The following CRB2 variants were observed in gnomAD, a reference collection of about 807,000 sequenced individuals.
The protein encoded by CRB2 is protein crumbs homolog 2.
CRB2 carries 85 observed loss-of-function variants against 110.9 expected under a neutral mutation model. That is an observed-to-expected ratio of 0.77 (90% CI 0.64 to 0.92). The LOEUF (loss-of-function observed/expected upper bound fraction) is 0.92. Ranked by LOEUF, CRB2 falls within the 40% of genes least tolerant of loss-of-function variation. The pLI is 0.00. For synonymous variants in CRB2, 907 were observed against 831.0 expected, an observed-to-expected ratio of 1.09 and a Z score of -1.57; for missense variants, 1,843 against 1,851.3, an observed-to-expected ratio of 1.00 and a Z score of 0.08.
Position 123,373,305 on chromosome 9 carries a change from G to A in CRB2, c.2774G>A (p.Arg925His), listed in dbSNP as rs1378049798. Residue 925 changes from arginine (R) to histidine (H), a missense_variant, in exon 10 of 13, where the codon CGC becomes CAC. By Grantham distance (29) the Arg-to-His change is conservative. Coordinates refer to ENST00000373631, the MANE Select transcript of CRB2 (RefSeq NM_173689.7). Reference protein sequence around the residue: ...GALEGVWLAVRNGSLAGGVRG... With the variant: ...GALEGVWLAVHNGSLAGGVRG... Reference sequence around the variant, plus strand: ...CTGGAAGGCGTGTGGCTGGCGGTGCGCAATGGCTCGCTGGCGGGGGGCGTG... The same window carrying A: ...CTGGAAGGCGTGTGGCTGGCGGTGCACAATGGCTCGCTGGCGGGGGGCGTG... 3.4e-6 allele frequency: 5 copies of A among 1,465,056 alleles called. No individual in the cohort carries two copies. Among genetic ancestry groups the A allele is most frequent in the Non-Finnish European group, 2.7e-6 (3 of 1,117,392 alleles). The allele number at this position is 1,465,056 out of a possible 1,614,324, so 90.8% of individuals were successfully genotyped here.
intron 4 of CRB2, 48 bp downstream of exon 4, chr9:123,366,414 C>A (rs761654826): frequency 1.3e-6 from 2 of 1,502,628 alleles, no homozygotes; most frequent in Admixed American, 2.5e-5. Flanking sequence ...GGTAGGTGTG[C>A]GCCTGTGCGG....
rs767432277 is a variant in CRB2 at position 123,376,902 on chromosome 9, G to GCCTCCT, written c.3711_3716dup (p.Leu1238_Leu1239dup). 16 of 1,608,892 alleles carry GCCTCCT rather than the reference G, an allele frequency of 9.9e-6. No individual in the cohort carries two copies. Among genetic ancestry groups the GCCTCCT allele is most frequent in the African/African-American group, 8.0e-5 (6 of 74,860 alleles). The stretch of plus-strand genomic sequence containing the variant: ...GTGGCCGTACCTGCAGCCTGTGCCT[G>GCCTCCT]CCTCCTCCTCCTCCTCCTGGGCCTC... On this transcript the variant is annotated inframe_insertion, in exon 13 of 13. Coordinates refer to ENST00000373631, the MANE Select transcript of CRB2 (RefSeq NM_173689.7).
At chr9:123,360,114 CCT>C (rs2041850540) in intron 1 of CRB2, among the ~76,000 whole-genome samples, 1 of 152,192 alleles carries the variant, frequency 6.6e-6, no homozygotes, top group Non-Finnish European at 1.5e-5. Flanking sequence ...AAATTATCAA[CCT>C]CTCTGAGTTA....
At position 123,366,231 on chromosome 9, in the gene CRB2, C is replaced by G; in HGVS notation, c.619C>G (p.Arg207Gly). ...GTCHDLVNGF[R>G]CDCAGTGYEG... ...CCGCCGGTGCGCCCTCCCCAGGTTC[C>G]GGTGCGACTGCGCGGGCACCGGCTA... Residue 207 changes from arginine (R) to glycine (G), a missense_variant, in exon 4 of 13, where the codon CGG becomes GGG. Physicochemically the swap from Arg to Gly is moderately radical, Grantham distance 125 (BLOSUM62 -2). Coordinates refer to ENST00000373631, the MANE Select transcript of CRB2 (RefSeq NM_173689.7). 4 of 1,462,982 alleles carry G rather than the reference C, an allele frequency of 2.7e-6. No homozygotes were observed. Among genetic ancestry groups the G allele is most frequent in the Non-Finnish European group, 3.6e-6 (4 of 1,116,990 alleles). The allele number at this position is 1,462,982 out of a possible 1,614,324, so 90.6% of individuals were successfully genotyped here. A position where few individuals can be genotyped will look rare whatever the true frequency, so the allele number is the denominator to read the frequency against.
chr9:123,379,054 A>ATGT (rs2042158284), downstream of CRB2, among the ~76,000 whole-genome samples: 1 of 151,354 alleles, frequency 6.6e-6, no homozygotes, highest in Non-Finnish European at 1.5e-5. Context: ...GCCTCCCAAA[A>ATGT]TGTTGGGATT....
chr9:123,377,166 C>T lies in CRB2; in HGVS notation c.*104C>T. On this transcript the variant is annotated 3_prime_UTR_variant, in exon 13 of 13. Coordinates refer to ENST00000373631, the MANE Select transcript of CRB2 (RefSeq NM_173689.7). The stretch of plus-strand genomic sequence containing the variant: ...GCTCGGGACATTGCTACGGAAGTGT[C>T]CCCTTGGCTGGCAGCCTCTGCCTCT... 1.8e-6 allele frequency: 2 copies of T among 1,111,864 alleles called. No homozygotes were observed. The highest frequency in any genetic ancestry group is 2.5e-6 in the Non-Finnish European group (2 of 797,146). 68.9% of individuals were successfully genotyped at this position (1,111,864 alleles called of 1,614,324 possible).
chr9:123,373,291 G>A lies in CRB2; in HGVS notation c.2760G>A (p.Val920=), dbSNP rs2042044668. 3 of 1,474,320 alleles carry A rather than the reference G, an allele frequency of 2.0e-6. No homozygotes were observed. The East Asian group carries it at 8.6e-5, about 42-fold the overall frequency. 91.3% of individuals were successfully genotyped at this position (1,474,320 alleles called of 1,614,324 possible). ...CCGCGGCGGGCGCCCTGGAAGGCGTGTGGCTGGCGGTGCGCAATGGCTCGC... is the reference window on the plus strand; with the variant it reads ...CCGCGGCGGGCGCCCTGGAAGGCGTATGGCTGGCGGTGCGCAATGGCTCGC... ...LRAAAGALEG[V]WLAVRNGSLA... The change falls in exon 10 of 13, where the codon GTG becomes GTA. Residue 920 remains valine, a synonymous_variant. Coordinates refer to ENST00000373631, the MANE Select transcript of CRB2 (RefSeq NM_173689.7).
At chr9:123,354,850 G>A (rs1169240330), upstream of CRB2, among the ~76,000 whole-genome samples, 4 of 152,128 alleles carry the variant, frequency 2.6e-5, no homozygotes, top group Non-Finnish European at 5.9e-5. Flanking sequence ...CACTTGCCCC[G>A]GGCTAGAGGG....
chr9:123,357,294 G>A (rs1425595689), intron 1 of CRB2, among the ~76,000 whole-genome samples: 3 of 152,072 alleles, frequency 2.0e-5, no homozygotes, highest in Admixed American at 2.0e-4. Context: ...AGTTACAGGG[G>A]CCGGGCCTGG....
At position 123,365,969 on chromosome 9, in the gene CRB2, C is replaced by G. The variant is rs113157023; in HGVS notation, c.471C>G (p.His157Gln). ...AGTGCGCCTCAGCGCCCTGCCTGCA[C>G]GGGGGCTCGTGCCTGGACGGCGTGG... is the stretch of plus-strand genomic sequence containing the variant. Reference protein sequence around the residue: ...VDECASAPCLHGGSCLDGVGS... With the variant: ...VDECASAPCLQGGSCLDGVGS... Residue 157 changes from histidine to glutamine, a missense_variant, in exon 3 of 13, where the codon CAC becomes CAG. His to Gln is a conservative substitution (Grantham distance 24). Transcript: ENST00000373631. 1.4e-4 allele frequency: 218 copies of G among 1,597,630 alleles called. No individual in the cohort carries two copies. The African/African-American group carries it at 2.6e-3, about 19-fold the overall frequency.
Position 123,366,269 on chromosome 9 carries a change from C to G in CRB2, c.657C>G (p.His219Gln). 1 of 1,506,434 alleles carries G rather than the reference C, an allele frequency of 6.6e-7. No homozygotes were observed. The highest frequency in any genetic ancestry group is 8.8e-7 in the Non-Finnish European group (1 of 1,139,342). The allele number at this position is 1,506,434 out of a possible 1,614,324, so 93.3% of individuals were successfully genotyped here. ...CGGGCACCGGCTACGAGGGCACGCA[C>G]TGCGAGCGGGAGGTGCTGGAGTGCG... The part of the protein sequence containing the change: ...DCAGTGYEGT[H>Q]CEREVLECAS... Residue 219 changes from histidine to glutamine, a missense_variant, in exon 4 of 13, where the codon CAC becomes CAG. Physicochemically the swap from His to Gln is conservative, Grantham distance 24. Transcript: ENST00000373631.
rs368194233 is a variant in CRB2, at chr9:123,366,088, G to T, written c.590G>T (p.Gly197Val). Residue 197 changes from glycine to valine, a missense_variant, in exon 3 of 13, where the codon GGC becomes GTC. Transcript: ENST00000373631. Reference protein sequence around the residue: ...ECQSQPCAHGGTCHDLVNGFR... With the variant: ...ECQSQPCAHGVTCHDLVNGFR... ...CAGAGCCAGCCGTGCGCACATGGGG[G>T]CACGTGCCACGACCTGGTCAACGGG... is the stretch of plus-strand genomic sequence containing the variant. The T allele has an allele frequency of 9.9e-5, 152 of 1,537,430 alleles. No individual in the cohort carries two copies. The highest frequency in any genetic ancestry group is 1.3e-4 in the Non-Finnish European group (145 of 1,149,552).
At chr9:123,367,101 G>GC in intron 4 of CRB2, 71 bp from the exon 5 acceptor site, 1 of 1,465,690 alleles carries the variant, frequency 6.8e-7, no homozygotes, top group Middle Eastern at 1.8e-4. Flanking sequence ...GCCCTCGCTA[G>GC]CCTGGTCATA....
rs902874001 is a variant in CRB2 at position 123,373,372 on chromosome 9, G to A, written c.2841G>A (p.Pro947=). 1.4e-6 allele frequency: 2 copies of A among 1,431,898 alleles called. No homozygotes were observed. Among genetic ancestry groups the A allele is most frequent in the Non-Finnish European group, 1.8e-6 (2 of 1,099,496 alleles). The allele number at this position is 1,431,898 out of a possible 1,614,324, so 88.7% of individuals were successfully genotyped here. A position where few individuals can be genotyped will look rare whatever the true frequency, so the allele number is the denominator to read the frequency against. ...HGLPGAVLPI[P]GPRVADGAWH... ...TGCCCGGCGCTGTGCTGCCCATACC[G>A]GGGCCGCGCGTGGCCGATGGTGCCT... Residue 947 remains proline, a synonymous_variant, in exon 10 of 13, where the codon CCG becomes CCA. Coordinates refer to ENST00000373631, the MANE Select transcript of CRB2 (RefSeq NM_173689.7).
At chr9:123,375,164 C>T in intron 11 of CRB2, 53 bp from the exon 12 acceptor site, 1 of 1,608,288 alleles carries the variant, frequency 6.2e-7, no homozygotes. Context: ...CAGCTGGGAG[C>T]ACAAGAGGCA....
chr9:123,366,469 T>C (rs1348154323), intron 4 of CRB2, 103 bp downstream of exon 4: 1 of 1,357,372 alleles, frequency 7.4e-7, no homozygotes, highest in Non-Finnish European at 9.6e-7. Flanking sequence ...GAGTGCCCGC[T>C]GGGTCCTCGG....
chr9:123,358,148 G>A (rs2041821351), intron 1 of CRB2, among the ~76,000 whole-genome samples: 1 of 152,210 alleles, frequency 6.6e-6, no homozygotes, highest in African/African-American at 2.4e-5. Context: ...GAGGGATTGG[G>A]GATTTTGTCA....
At position 123,377,362 on chromosome 9, in the gene CRB2, G is replaced by A. The variant is rs1199540060; in HGVS notation, c.*300G>A. ...AGTGTGTTCAGGAGTGTGTGTATCT[G>A]GAGGAGTGTGTGTGTGAGTGTGTAC... On this transcript the variant is annotated 3_prime_UTR_variant, in exon 13 of 13. Transcript: ENST00000373631. 5.6e-6 allele frequency: 2 copies of A among 358,254 alleles called. No individual in the cohort carries two copies. Among genetic ancestry groups the A allele is most frequent in the South Asian group, 6.4e-5 (1 of 15,638 alleles). 22.2% of individuals were successfully genotyped at this position (358,254 alleles called of 1,614,324 possible).
chr9:123,361,985 G>A (rs369923304), intron 1 of CRB2, among the ~76,000 whole-genome samples: 90 of 152,332 alleles, frequency 5.9e-4, no homozygotes, highest in African/African-American at 1.7e-3. Context: ...TTAGAGCCCC[G>A]GTGCTGGAAG....
Sources: allele counts gnomAD v4.1 joint callset (sites outside exome capture counted in the v4.1 genomes callset), GRCh38; gene constraint gnomAD v4.1.1; transcripts MANE v1.5; gene names NCBI Gene and HGNC (gene_info 2026-07-23, HGNC 2026-07-21).